Variants in C9orf85 observed in about 807,000 individuals in gnomAD.
C9orf85 encodes chromosome 9 open reading frame 85.
C9orf85 carries 16 observed loss-of-function variants against 14.9 expected under a neutral mutation model. That is an observed-to-expected ratio of 1.08 (90% CI 0.73 to 1.63). C9orf85 has a LOEUF of 1.63. C9orf85 is among the 40% of genes most tolerant of loss of function. The probability of loss-of-function intolerance (pLI) is 0.00; values close to 1 mark genes in which losing one functional copy is unlikely to be tolerated. For missense variants in C9orf85, 172 were observed against 186.1 expected, an observed-to-expected ratio of 0.92 and a Z score of 0.44; for synonymous variants, 45 against 56.8, an observed-to-expected ratio of 0.79 and a Z score of 0.93.
intron 1 of C9orf85, among the ~76,000 whole-genome samples, chr9:71,943,195 T>C (rs1293156118): frequency 6.6e-6 from 1 of 152,160 alleles, no homozygotes; most frequent in Non-Finnish European, 1.5e-5. Flanking sequence ...GGAAATAGAT[T>C]TTTAGCATTG....
chr9:71,922,217 G>T (rs1827827613), intron 1 of C9orf85, among the ~76,000 whole-genome samples: 2 of 152,098 alleles, frequency 1.3e-5, no homozygotes, highest in South Asian at 4.2e-4. Context: ...GGGATTACAG[G>T]CATGAGCCAC....
Position 71,915,276 on chromosome 9 carries a change from G to A in C9orf85, c.102+3440G>A, listed in dbSNP as rs377652825. Among the ~76,000 whole-genome samples, 3 of 151,812 alleles carry A rather than the reference G, an allele frequency of 2.0e-5. No homozygotes were observed. In the East Asian group the frequency reaches 5.8e-4, roughly 29 times the overall value. ...GATCACCACAACCTCCACCTCCTGG[G>A]TTCAAGTGATTCTCTTGTCTCAGCC... On this transcript the variant is annotated intron_variant, in intron 1 of 3. Coordinates refer to ENST00000334731, the MANE Select transcript of C9orf85 (RefSeq NM_182505.5).
intron 2 of C9orf85, among the ~76,000 whole-genome samples, chr9:71,950,930 C>T (rs1315127247): frequency 6.6e-6 from 1 of 152,114 alleles, no homozygotes; most frequent in East Asian, 1.9e-4. Flanking sequence ...CCTTGTGAAT[C>T]ACCAAAAACC....
intron 1 of C9orf85, among the ~76,000 whole-genome samples, chr9:71,929,257 C>G (rs562544669): frequency 2.0e-5 from 3 of 152,234 alleles, no homozygotes; most frequent in African/African-American, 7.2e-5. Context: ...TCTCATTCTT[C>G]TTTTTTGTTT....
downstream of C9orf85, among the ~76,000 whole-genome samples, chr9:71,973,798 T>A (rs899494659): frequency 6.6e-6 from 1 of 151,576 alleles, no homozygotes; most frequent in Non-Finnish European, 1.5e-5. Flanking sequence ...ATTGTCTTAA[T>A]TTTTTTACTA....
chr9:71,956,462 T>C (rs1025767131), intron 2 of C9orf85, among the ~76,000 whole-genome samples: 5 of 151,970 alleles, frequency 3.3e-5, no homozygotes, highest in African/African-American at 9.7e-5. Context: ...TTGGTCAGGC[T>C]GGTCTCAAAC....
In C9orf85 at chr9:71,973,324, CAA is replaced by C. The variant is rs962583917; in HGVS notation, c.*483_*484del. ...GTATATTACTTAACATCAAACTAAA[CAA>C]GATTCAGAATTGATGGTTGTATAAG... On this transcript the variant is annotated 3_prime_UTR_variant, in exon 4 of 4. Coordinates refer to ENST00000334731, the MANE Select transcript of C9orf85 (RefSeq NM_182505.5). The C allele has an allele frequency of 8.6e-5, 13 of 151,972 alleles. No homozygotes were observed. Among genetic ancestry groups the C allele is most frequent in the African/African-American group, 2.7e-4 (11 of 41,362 alleles). 9.4% of individuals were successfully genotyped at this position (151,972 alleles called of 1,614,324 possible). A position where few individuals can be genotyped will look rare whatever the true frequency, so the allele number is the denominator to read the frequency against.
chr9:71,933,911 A>G (rs1309629590), intron 1 of C9orf85, among the ~76,000 whole-genome samples: 2 of 152,066 alleles, frequency 1.3e-5, no homozygotes, highest in Admixed American at 1.3e-4. Context: ...CACCTCCTTA[A>G]CCAATCACCA....
chr9:71,981,854 C>T (rs1031876144), intron 3 of C9orf85, among the ~76,000 whole-genome samples: 3 of 152,096 alleles, frequency 2.0e-5, no homozygotes, highest in Non-Finnish European at 4.4e-5. Context: ...TGTATGAAAG[C>T]TTTTCTCATA....
chr9:71,964,297 G>C (rs982426316), intron 2 of C9orf85, among the ~76,000 whole-genome samples: 2 of 152,010 alleles, frequency 1.3e-5, no homozygotes. Context: ...CCAGAGAAGA[G>C]AATAAAAGCA....
intron 2 of C9orf85, among the ~76,000 whole-genome samples, chr9:71,958,556 C>T (rs2132331717): frequency 6.6e-6 from 1 of 152,186 alleles, no homozygotes; most frequent in African/African-American, 2.4e-5. Context: ...GCTACCGCGC[C>T]CGGCCAGTAA....
chr9:71,972,436 T>C (rs1822899283), intron 3 of C9orf85, among the ~76,000 whole-genome samples: 1 of 152,200 alleles, frequency 6.6e-6, no homozygotes, highest in South Asian at 2.1e-4. Flanking sequence ...ATTTTGTATT[T>C]TTAGTAGAGA....
Position 71,972,727 on chromosome 9 carries a change from A to G in C9orf85, c.359A>G (p.Glu120Gly). Reference protein sequence around the residue: ...NKETEKIEHTENNLSSNHRRS... With the variant: ...NKETEKIEHTGNNLSSNHRRS... Reference sequence around the variant, plus strand: ...GAAACAGAAAAAATAGAACATACTGAAAATAATCTAAGTTCCAACCATAGA... The same window carrying G: ...GAAACAGAAAAAATAGAACATACTGGAAATAATCTAAGTTCCAACCATAGA... Residue 120 changes from glutamate to glycine, a missense_variant, in exon 4 of 4, where the codon GAA (glutamate) becomes GGA (glycine). By Grantham distance (98) the Glu-to-Gly change is moderately conservative. Transcript: ENST00000334731. The G allele has an allele frequency of 6.2e-7, 1 of 1,600,946 alleles. No individual in the cohort carries two copies. The highest frequency in any genetic ancestry group is 8.5e-7 in the Non-Finnish European group (1 of 1,170,754).
rs373511553 is a variant in C9orf85, at chr9:71,962,563, G to A, written c.210-8942G>A. On this transcript the variant is annotated intron_variant, in intron 2 of 3. Transcript: ENST00000334731. ...GAAAGTACGACAGGAGCTAAATTAT[G>A]TTAAAGGTTAAAGTGTAATAACCAG... Among the ~76,000 whole-genome samples, 17 of 152,330 alleles carry A rather than the reference G, an allele frequency of 1.1e-4. No individual in the cohort carries two copies. In the East Asian group the frequency reaches 3.3e-3, roughly 29 times the overall value.
At chr9:71,924,204 C>T (rs1156381814) in intron 1 of C9orf85, among the ~76,000 whole-genome samples, 3 of 152,170 alleles carry the variant, frequency 2.0e-5, no homozygotes, top group Non-Finnish European at 2.9e-5. Context: ...TAGACTTTCC[C>T]ATAGCTTTGG....
At chr9:71,928,261 G>A (rs1827979130) in intron 1 of C9orf85, among the ~76,000 whole-genome samples, 1 of 149,202 alleles carries the variant, frequency 6.7e-6, no homozygotes. Flanking sequence ...AATTAGCCCT[G>A]TATCTATATG....
At chr9:71,971,334 A>T (rs1244691129) in intron 2 of C9orf85, among the ~76,000 whole-genome samples, 171 bp from the exon 3 acceptor site, 1 of 152,226 alleles carries the variant, frequency 6.6e-6, no homozygotes, top group Admixed American at 6.5e-5. Flanking sequence ...GTAAACTGTT[A>T]TTTAGAAATG....
chr9:71,920,319 G>A (rs763370427), intron 1 of C9orf85, among the ~76,000 whole-genome samples: 30 of 152,126 alleles, frequency 2.0e-4, no homozygotes, highest in Admixed American at 3.9e-4. Flanking sequence ...TTAGGGAATA[G>A]TATTATACTT....
At chr9:71,963,450 GC>G (rs1822581937) in intron 2 of C9orf85, among the ~76,000 whole-genome samples, 1 of 152,148 alleles carries the variant, frequency 6.6e-6, no homozygotes, top group Non-Finnish European at 1.5e-5. Flanking sequence ...CACTTGAGGA[GC>G]CCTTCAGCCC....
Sources: allele counts gnomAD v4.1 joint callset (sites outside exome capture counted in the v4.1 genomes callset), GRCh38; gene constraint gnomAD v4.1.1; transcripts MANE v1.5; gene names NCBI Gene and HGNC (gene_info 2026-07-23, HGNC 2026-07-21).